NPSR1: variants seen among roughly 807,000 people sequenced by gnomAD.
NPSR1 encodes the protein neuropeptide S receptor.
A neutral mutation model predicts 46.9 loss-of-function variants in NPSR1; 48 were observed. That is an observed-to-expected ratio of 1.02 (90% CI 0.81 to 1.30). NPSR1 has a LOEUF of 1.30. Ranked by LOEUF, NPSR1 falls within the 50% of genes most tolerant of loss-of-function variation. The probability of loss-of-function intolerance (pLI) is 0.00; values close to 1 mark genes in which losing one functional copy is unlikely to be tolerated. For missense variants in NPSR1, 450 were observed against 449.5 expected, an observed-to-expected ratio of 1.00 and a Z score of -0.01; for synonymous variants, 176 against 168.1, an observed-to-expected ratio of 1.05 and a Z score of -0.36.
chr7:34,665,648 C>T (rs1285067212), intron 1 of NPSR1, among the ~76,000 whole-genome samples: 2 of 152,270 alleles, frequency 1.3e-5, no homozygotes, highest in East Asian at 1.9e-4. Context: ...TCTGATATCA[C>T]GCTAACCTCA....
intron 2 of NPSR1, among the ~76,000 whole-genome samples, chr7:34,717,976 A>T (rs1783660791): frequency 6.6e-6 from 1 of 152,182 alleles, no homozygotes; most frequent in Non-Finnish European, 1.5e-5. Flanking sequence ...GAATAAACAC[A>T]ATAGATGGGC....
chr7:34,729,046 T>C (rs993053347), intron 2 of NPSR1, among the ~76,000 whole-genome samples: 5 of 152,132 alleles, frequency 3.3e-5, no homozygotes, highest in Non-Finnish European at 5.9e-5. Flanking sequence ...TCCCAGCTCT[T>C]CTTTGCTATA....
intron 2 of NPSR1, among the ~76,000 whole-genome samples, chr7:34,714,333 C>T (rs1050751090): frequency 4.6e-5 from 7 of 152,174 alleles, no homozygotes; most frequent in African/African-American, 1.7e-4. Flanking sequence ...GAGACGGGAC[C>T]ACACAAGGGT....
chr7:34,810,458 G>C (rs777903352), intron 3 of NPSR1, among the ~76,000 whole-genome samples: 1 of 152,198 alleles, frequency 6.6e-6, no homozygotes, highest in African/African-American at 2.4e-5. Flanking sequence ...TGTGGGTAAA[G>C]TTAATAAAAG....
At chr7:34,727,584 G>A (rs1784223059) in intron 2 of NPSR1, among the ~76,000 whole-genome samples, 1 of 152,162 alleles carries the variant, frequency 6.6e-6, no homozygotes, top group African/African-American at 2.4e-5. Flanking sequence ...TTGTCATCCG[G>A]TGCTGATCAT....
At chr7:34,833,652 T>A (rs1790225507) in intron 5 of NPSR1, among the ~76,000 whole-genome samples, 1 of 152,208 alleles carries the variant, frequency 6.6e-6, no homozygotes, top group Non-Finnish European at 1.5e-5. Context: ...TATCTCACAG[T>A]TTCTGTGGGT....
chr7:34,792,660 T>C (rs1169211370), intron 3 of NPSR1, among the ~76,000 whole-genome samples: 1 of 114,228 alleles, frequency 8.8e-6, no homozygotes, highest in African/African-American at 3.6e-5. Flanking sequence ...TATGTATATA[T>C]ATATTTATAT....
chr7:34,854,827 C>T (rs545971557), downstream of NPSR1, among the ~76,000 whole-genome samples: 111 of 151,898 alleles, frequency 7.3e-4, 1 homozygote, highest in African/African-American at 2.6e-3. Context: ...CCTTACCACC[C>T]CTGAACAGAC....
intron 2 of NPSR1, chr7:34,751,957 G>C (rs1184429155): frequency 3.2e-5 from 36 of 1,108,012 alleles, no homozygotes; most frequent in Non-Finnish European, 4.8e-5. Flanking sequence ...TGGGGGTGAC[G>C]TTTGCCCAGA....
At chr7:34,670,947 A>C (rs1792019571) in intron 1 of NPSR1, among the ~76,000 whole-genome samples, 1 of 152,154 alleles carries the variant, frequency 6.6e-6, no homozygotes, top group Non-Finnish European at 1.5e-5. Context: ...AATATACAGC[A>C]AACTTAAATG....
At chr7:34,792,619 ATATG>A (rs1400111155) in intron 3 of NPSR1, among the ~76,000 whole-genome samples, 3 of 116,338 alleles carry the variant, frequency 2.6e-5, no homozygotes, top group Non-Finnish European at 5.4e-5. Flanking sequence ...ATATATGTGT[ATATG>A]TGTGTGTGTG....
intron 4 of NPSR1, among the ~76,000 whole-genome samples, chr7:34,814,460 C>G (rs1476927979): frequency 6.6e-6 from 1 of 152,240 alleles, no homozygotes; most frequent in African/African-American, 2.4e-5. Flanking sequence ...CCTCTGTGGG[C>G]AGGACATAGC....
At chr7:34,685,265 T>C (rs961705974) in intron 2 of NPSR1, among the ~76,000 whole-genome samples, 8 of 152,088 alleles carry the variant, frequency 5.3e-5, no homozygotes, top group Admixed American at 2.6e-4. Flanking sequence ...AGAGGAATGG[T>C]GAAATATTCT....
intron 2 of NPSR1, among the ~76,000 whole-genome samples, chr7:34,742,036 A>G (rs80063527): frequency 0.028 from 4,211 of 152,256 alleles, 94 homozygotes; most frequent in Non-Finnish European, 0.044. Context: ...TAACTTGTCA[A>G]ATTAGTTGCT....
chr7:34,877,046 C>T (rs1046342126), intron 8 of NPSR1, among the ~76,000 whole-genome samples: 3 of 152,144 alleles, frequency 2.0e-5, no homozygotes, highest in Non-Finnish European at 2.9e-5. Flanking sequence ...AGACCCGTAA[C>T]CACTGCTCCA....
At chr7:34,682,331 C>T (rs1792684770) in intron 1 of NPSR1, among the ~76,000 whole-genome samples, 2 of 152,174 alleles carry the variant, frequency 1.3e-5, no homozygotes, top group Non-Finnish European at 2.9e-5. Context: ...CCTGCCAGGC[C>T]ACCTGCTTGA....
chr7:34,875,238 T>C lies in NPSR1; in HGVS notation c.1026-2838T>C, dbSNP rs996004360. ...GTCAAAGTGACCATACTGAGCAAGT[T>C]CCTGAGCCTTTGCTAGTAAAAAACA... On this transcript the variant is annotated intron_variant, in intron 8 of 8. Transcript: ENST00000359791. Among the ~76,000 whole-genome samples, 10 of 152,322 alleles carry C rather than the reference T, an allele frequency of 6.6e-5. 2 individuals carry two copies. Among genetic ancestry groups the C allele is most frequent in the Admixed American group, 3.9e-4 (6 of 15,300 alleles).
intron 8 of NPSR1, among the ~76,000 whole-genome samples, chr7:34,872,458 G>T (rs1161241855): frequency 6.6e-6 from 1 of 151,986 alleles, no homozygotes; most frequent in Non-Finnish European, 1.5e-5. Context: ...TGCCTAGCAA[G>T]TGGTTGCTCC....
intron 2 of NPSR1, chr7:34,750,266 C>A (rs990702652): frequency 4.5e-6 from 3 of 669,398 alleles, no homozygotes; most frequent in African/African-American, 1.8e-5. Context: ...TCTGTGCCTG[C>A]GAGCTGATGC....
Sources: gnomAD v4.1 joint callset for allele counts (sites outside exome capture counted in the v4.1 genomes callset) on GRCh38, gnomAD v4.1.1 for gene constraint, MANE v1.5 for transcripts, NCBI Gene and HGNC (gene_info 2026-07-23, HGNC 2026-07-21) for gene names.